The following PTPRD variants were observed in gnomAD, a reference collection of about 807,000 sequenced individuals.
PTPRD encodes protein tyrosine phosphatase receptor type D, also known as receptor-type tyrosine-protein phosphatase delta.
PTPRD carries 34 observed loss-of-function variants against 214.5 expected under a neutral mutation model. That is an observed-to-expected ratio of 0.16 (90% CI 0.12 to 0.21). The LOEUF (loss-of-function observed/expected upper bound fraction) is 0.21, where lower values mean the gene tolerates loss of function less well. Among genes scored for constraint, PTPRD ranks in the 10% least tolerant of loss-of-function variants. PTPRD has a pLI of 1.00. For synonymous variants in PTPRD, 1,128 were observed against 845.7 expected, an observed-to-expected ratio of 1.33 and a Z score of -5.79; for missense variants, 2,545 against 2,398.7, an observed-to-expected ratio of 1.06 and a Z score of -1.27.
intron 9 of PTPRD, among the ~76,000 whole-genome samples, chr9:9,226,569 G>A (rs1186534085): frequency 6.6e-6 from 1 of 151,858 alleles, no homozygotes; most frequent in Non-Finnish European, 1.5e-5. Context: ...TAAAAATGTG[G>A]GAAAGAGGAA....
At chr9:8,582,364 C>T (rs75575462) in intron 14 of PTPRD, among the ~76,000 whole-genome samples, 1,640 of 152,112 alleles carry the variant, frequency 0.011, 27 homozygotes, top group African/African-American at 0.037. Flanking sequence ...GAACATGACA[C>T]AAAAAAGCAA....
chr9:9,539,366 C>G (rs531979284), intron 8 of PTPRD, among the ~76,000 whole-genome samples: 1 of 151,852 alleles, frequency 6.6e-6, no homozygotes, highest in South Asian at 2.1e-4. Context: ...GGAAAGACAT[C>G]GTGATAATAT....
rs185404843 is a variant in PTPRD at position 10,550,892 on chromosome 9, G to A, written c.-600+61506C>T. Among the ~76,000 whole-genome samples the A allele has an allele frequency of 2.7e-3, 416 of 152,206 alleles. 2 individuals carry two copies. Among genetic ancestry groups the A allele is most frequent in the African/African-American group, 9.3e-3 (387 of 41,536 alleles). The stretch of plus-strand genomic sequence containing the variant: ...ATTCCACACATCATTACATATATTG[G>A]CATGGTTCCCATGGCCTTATTCACT... On this transcript the variant is annotated intron_variant, in intron 2 of 45. Coordinates refer to ENST00000381196, the MANE Select transcript of PTPRD (RefSeq NM_002839.4).
At chr9:8,731,911 T>C (rs909754109) in intron 12 of PTPRD, among the ~76,000 whole-genome samples, 1 of 152,220 alleles carries the variant, frequency 6.6e-6, no homozygotes, top group African/African-American at 2.4e-5. Flanking sequence ...CTTCCTCTTT[T>C]TAGCTATAAT....
At chr9:8,348,385 AC>A (rs2074459871) in intron 39 of PTPRD, among the ~76,000 whole-genome samples, 1 of 151,946 alleles carries the variant, frequency 6.6e-6, no homozygotes, top group South Asian at 2.1e-4. Context: ...TATCTGAGAA[AC>A]CCTTTGTGGG....
intron 12 of PTPRD, among the ~76,000 whole-genome samples, chr9:8,657,531 G>A (rs1433518797): frequency 6.6e-6 from 1 of 152,010 alleles, no homozygotes; most frequent in Non-Finnish European, 1.5e-5. Context: ...TGTAGAGTCT[G>A]GATATTAGAT....
intron 2 of PTPRD, among the ~76,000 whole-genome samples, chr9:10,558,189 T>C (rs1478223793): frequency 1.3e-5 from 2 of 152,144 alleles, no homozygotes; most frequent in African/African-American, 4.8e-5. Context: ...AAGATAAAAG[T>C]AGTCACTGAC....
intron 3 of PTPRD, among the ~76,000 whole-genome samples, chr9:10,207,613 C>T (rs1308036813): frequency 6.6e-6 from 1 of 151,828 alleles, no homozygotes; most frequent in Admixed American, 6.6e-5. Context: ...CACTACTTGA[C>T]TCAGAATGTA....
At chr9:9,758,270 C>T (rs897448317) in intron 6 of PTPRD, among the ~76,000 whole-genome samples, 7 of 150,818 alleles carry the variant, frequency 4.6e-5, no homozygotes, top group East Asian at 2.0e-4. Context: ...TACTTCCATT[C>T]GCTTGGCTTT....
intron 10 of PTPRD, among the ~76,000 whole-genome samples, chr9:9,080,094 T>C (rs898095360): frequency 2.0e-5 from 3 of 152,094 alleles, no homozygotes; most frequent in African/African-American, 7.2e-5. Context: ...CCCATAGTTA[T>C]TGTCTATTGA....
chr9:10,043,352 A>T (rs1390273716), intron 3 of PTPRD, among the ~76,000 whole-genome samples: 1 of 151,920 alleles, frequency 6.6e-6, no homozygotes, highest in African/African-American at 2.4e-5. Context: ...CTTGATAAAG[A>T]AAGCCATTTT....
chr9:10,404,452 T>C (rs867174246), intron 2 of PTPRD, among the ~76,000 whole-genome samples: 5 of 151,892 alleles, frequency 3.3e-5, no homozygotes, highest in Middle Eastern at 3.4e-3. Flanking sequence ...TTATTTTAAA[T>C]GTTATTTGAT....
intron 9 of PTPRD, among the ~76,000 whole-genome samples, chr9:9,262,110 A>T (rs1007440084): frequency 2.0e-5 from 3 of 151,634 alleles, no homozygotes; most frequent in Non-Finnish European, 4.4e-5. Context: ...CCACAGTGTA[A>T]TTCCCTTATG....
chr9:10,482,831 G>T (rs1244218370), intron 2 of PTPRD, among the ~76,000 whole-genome samples: 1 of 152,094 alleles, frequency 6.6e-6, no homozygotes, highest in Non-Finnish European at 1.5e-5. Context: ...CAAATGGAAA[G>T]AATCAATATT....
chr9:10,506,407 T>C (rs555969978), intron 2 of PTPRD, among the ~76,000 whole-genome samples: 1 of 152,274 alleles, frequency 6.6e-6, no homozygotes, highest in Admixed American at 6.5e-5. Context: ...GTTTTTCCAT[T>C]AATGTACTTG....
intron 10 of PTPRD, among the ~76,000 whole-genome samples, chr9:9,158,236 A>T (rs1358112200): frequency 6.6e-6 from 1 of 152,152 alleles, no homozygotes; most frequent in East Asian, 1.9e-4. Flanking sequence ...ATATACCTGT[A>T]GTGGGATTGC....
chr9:9,138,442 G>A (rs2099854499), intron 10 of PTPRD, among the ~76,000 whole-genome samples: 1 of 152,078 alleles, frequency 6.6e-6, no homozygotes, highest in Admixed American at 6.6e-5. Flanking sequence ...TGAATCAGAG[G>A]AAGTTCTTAC....
chr9:9,905,709 C>T (rs2077405444), intron 5 of PTPRD, among the ~76,000 whole-genome samples: 1 of 151,854 alleles, frequency 6.6e-6, no homozygotes, highest in South Asian at 2.1e-4. Flanking sequence ...ACTACTAATA[C>T]AGAAGAATTC....
intron 8 of PTPRD, among the ~76,000 whole-genome samples, chr9:9,511,733 T>C (rs557576082): frequency 6.6e-6 from 1 of 151,908 alleles, no homozygotes; most frequent in South Asian, 2.1e-4. Context: ...CTTTCAAAAT[T>C]GCCATAGTTT....
Sources: gnomAD v4.1 joint callset for allele counts (sites outside exome capture counted in the v4.1 genomes callset) on GRCh38, gnomAD v4.1.1 for gene constraint, MANE v1.5 for transcripts, NCBI Gene and HGNC (gene_info 2026-07-23, HGNC 2026-07-21) for gene names.